Variants in RASGRF1 observed in about 807,000 individuals in gnomAD.
RASGRF1 encodes ras-specific guanine nucleotide-releasing factor 1.
RASGRF1 carries 40 observed loss-of-function variants against 138.7 expected under a neutral mutation model. The ratio of observed to expected loss-of-function variants is 0.29; its 90% CI spans 0.22 to 0.38. The LOEUF is 0.38. Among genes scored for constraint, RASGRF1 ranks in the 10% least tolerant of loss-of-function variants. The pLI is 1.00. For missense variants in RASGRF1, 1,108 were observed against 1,650.4 expected (o/e 0.67, Z 5.69); for synonymous variants, 614 against 663.2 (o/e 0.93, Z 1.14).
At chr15:79,028,482 A>C (rs901509766) in intron 8 of RASGRF1, among the ~76,000 whole-genome samples, 2 of 152,020 alleles carry the variant, frequency 1.3e-5, no homozygotes, top group African/African-American at 4.8e-5. Flanking sequence ...CCCTTCTGGG[A>C]GGGAATATAG....
At chr15:79,017,697 C>A (rs2056899752) in intron 12 of RASGRF1, 73 bp downstream of exon 12, 4 of 1,490,224 alleles carry the variant, frequency 2.7e-6, no homozygotes, top group East Asian at 4.7e-5. Context: ...CCCCTACCTG[C>A]CACCAGCCAA....
At chr15:79,071,116 T>C (rs938398381) in intron 1 of RASGRF1, among the ~76,000 whole-genome samples, 1 of 152,222 alleles carries the variant, frequency 6.6e-6, no homozygotes, top group African/African-American at 2.4e-5. Context: ...AGATGAATGT[T>C]GGCTTGGACA....
intron 12 of RASGRF1, 53 bp downstream of exon 12, chr15:79,017,717 C>G: frequency 3.9e-6 from 6 of 1,543,186 alleles, no homozygotes; most frequent in Non-Finnish European, 5.2e-6. Context: ...AATCCCTGAC[C>G]TGGTTAGGCA....
intron 1 of RASGRF1, among the ~76,000 whole-genome samples, chr15:79,082,037 T>C (rs1401105369): frequency 6.6e-6 from 1 of 152,178 alleles, no homozygotes; most frequent in African/African-American, 2.4e-5. Flanking sequence ...CCACATACTA[T>C]CCGTGTCCTC....
chr15:79,043,223 G>A (rs1301415391), intron 5 of RASGRF1, among the ~76,000 whole-genome samples: 2 of 152,158 alleles, frequency 1.3e-5, no homozygotes, highest in Non-Finnish European at 2.9e-5. Context: ...TGCTTGATCA[G>A]GATGTATTAC....
Position 79,024,546 on chromosome 15 carries a change from C to T in RASGRF1, c.1542+768G>A, listed in dbSNP as rs139916956. 9.6e-3 allele frequency among the ~76,000 whole-genome samples: 1,468 copies of T among 152,252 alleles called. 51 individuals are homozygous for T. The East Asian group carries it at 0.12, about 12-fold the overall frequency. On this transcript the variant is annotated intron_variant, in intron 10 of 26. Transcript: ENST00000558480. The stretch of plus-strand genomic sequence containing the variant: ...TTTAGCTCCCATAATCCCCATGTGT[C>T]ATGGGAGGGACCCAGTGGGAGGTAA...
intron 11 of RASGRF1, among the ~76,000 whole-genome samples, chr15:79,019,753 C>T (rs1406283954): frequency 1.3e-5 from 2 of 152,246 alleles, no homozygotes; most frequent in Non-Finnish European, 1.5e-5. Context: ...GAGCTTGGAA[C>T]GAACCAGGAA....
chr15:79,008,764 G>A (rs1215773553), intron 13 of RASGRF1, among the ~76,000 whole-genome samples: 1 of 152,202 alleles, frequency 6.6e-6, no homozygotes. Flanking sequence ...TCTCACTACC[G>A]TGAGACAAAG....
At chr15:79,038,537 A>AT (rs1484464905) in intron 5 of RASGRF1, among the ~76,000 whole-genome samples, 1 of 152,032 alleles carries the variant, frequency 6.6e-6, no homozygotes, top group Admixed American at 6.5e-5. Flanking sequence ...TTGGTTGAAC[A>AT]TTTTTCTTAT....
chr15:79,043,503 G>A (rs144976386), intron 5 of RASGRF1, among the ~76,000 whole-genome samples: 176 of 152,324 alleles, frequency 1.2e-3, no homozygotes, highest in African/African-American at 2.8e-3. Context: ...TAAGAGGCAG[G>A]TACCATTCCT....
chr15:78,993,165 ATGTG>A (rs1216467865), intron 20 of RASGRF1, among the ~76,000 whole-genome samples: 2 of 77,332 alleles, frequency 2.6e-5, no homozygotes, highest in East Asian at 3.2e-4. Context: ...CCTGTGGGTG[ATGTG>A]TGTATGTGGT....
intron 12 of RASGRF1, among the ~76,000 whole-genome samples, chr15:79,017,218 T>G (rs1822472): frequency 0.073 from 11,135 of 152,214 alleles, 618 homozygotes; most frequent in Middle Eastern, 0.14. Context: ...ATGACCCTAA[T>G]GCTTACAGCA....
chr15:78,991,904 T>G (rs1595877467), intron 20 of RASGRF1, 110 bp from the exon 21 acceptor site: 1 of 774,682 alleles, frequency 1.3e-6, no homozygotes, highest in Non-Finnish European at 2.2e-6. Context: ...GGTGGGCGGG[T>G]GGACGGGGTA....
chr15:79,090,623 C>G lies in RASGRF1; in HGVS notation c.-125G>C. The G allele has an allele frequency of 3.0e-6, 4 of 1,327,268 alleles. No individual in the cohort carries two copies. Among genetic ancestry groups the G allele is most frequent in the Admixed American group, 2.0e-5 (1 of 49,334 alleles). The allele number at this position is 1,327,268 out of a possible 1,614,324, so 82.2% of individuals were successfully genotyped here. On this transcript the variant is annotated 5_prime_UTR_variant, in exon 1 of 27. Transcript: ENST00000558480. ...CGCTCGCTCCCTCTAGCTCTCCCCT[C>G]CCCCCAAATATCTACACTCCAGGAT...
In RASGRF1 at chr15:78,985,143, G is replaced by A. The variant is rs2056122610; in HGVS notation, c.3278C>T (p.Ala1093Val). ...RNEDINARVS[A>V]IEKWVAVADI... ...AGCTACGGCCACCCACTTCTCGATG[G>A]CGCTCACCCTGGCGTTGATGTCCTC... The change falls in exon 23 of 27, where the codon GCC (alanine) becomes GTC (valine). Residue 1093 changes from alanine to valine, a missense_variant. By Grantham distance (64) the Ala-to-Val change is moderately conservative. Coordinates refer to ENST00000558480, the MANE Select transcript of RASGRF1 (RefSeq NM_001145648.3). 3 of 1,613,658 alleles carry A rather than the reference G, an allele frequency of 1.9e-6. No individual in the cohort carries two copies. The highest frequency in any genetic ancestry group is 1.6e-4 in the Middle Eastern group (1 of 6,062).
Position 78,987,718 on chromosome 15 carries a change from A to AC in RASGRF1, c.3216+2470_3216+2471insG, listed in dbSNP as rs536223194. On this transcript the variant is annotated intron_variant, in intron 22 of 26. Coordinates refer to ENST00000558480, the MANE Select transcript of RASGRF1 (RefSeq NM_001145648.3). ...CTTAAACAAAACAAAACAAAACAAAAAAAACCAAAAAACCCCACAAAAAAC... is the reference window on the plus strand; with the variant it reads ...CTTAAACAAAACAAAACAAAACAAAACAAAACCAAAAAACCCCACAAAAAAC... Among the ~76,000 whole-genome samples, 378 of 152,126 alleles carry AC rather than the reference A, an allele frequency of 2.5e-3. 2 individuals are homozygous for AC. The highest frequency in any genetic ancestry group is 8.9e-3 in the African/African-American group (368 of 41,474).
intron 10 of RASGRF1, among the ~76,000 whole-genome samples, chr15:79,022,849 G>T (rs2056980638): frequency 6.6e-6 from 1 of 152,218 alleles, no homozygotes; most frequent in Non-Finnish European, 1.5e-5. Flanking sequence ...GGGTCTGGAA[G>T]AATGGTTTAT....
intron 15 of RASGRF1, among the ~76,000 whole-genome samples, chr15:79,002,211 C>T (rs1362301831): frequency 1.3e-5 from 2 of 152,098 alleles, no homozygotes; most frequent in South Asian, 2.1e-4. Flanking sequence ...AGGTGACCAT[C>T]TGCTCCAGTT....
intron 19 of RASGRF1, among the ~76,000 whole-genome samples, chr15:78,997,722 G>A (rs1325999099): frequency 7.5e-6 from 1 of 132,950 alleles, no homozygotes; most frequent in Non-Finnish European, 1.6e-5. Context: ...GGTGACAAGA[G>A]CGAGACTTCG....
Sources: gnomAD v4.1 joint callset for allele counts (sites outside exome capture counted in the v4.1 genomes callset) on GRCh38, gnomAD v4.1.1 for gene constraint, MANE v1.5 for transcripts, NCBI Gene and HGNC (gene_info 2026-07-23, HGNC 2026-07-21) for gene names.